The following C1QTNF7 variants were observed in gnomAD, a reference collection of about 807,000 sequenced individuals.
C1QTNF7 encodes complement C1q tumor necrosis factor-related protein 7.
C1QTNF7 carries 15 observed loss-of-function variants against 19.6 expected under a neutral mutation model. That is an observed-to-expected ratio of 0.76 (90% CI 0.51 to 1.18). The LOEUF (loss-of-function observed/expected upper bound fraction) is 1.18, where lower values mean the gene tolerates loss of function less well. C1QTNF7 is among the 50% of genes most tolerant of loss of function. C1QTNF7 has a pLI of 0.00. For synonymous variants in C1QTNF7, 142 were observed against 137.5 expected (o/e 1.03, Z -0.23); for missense variants, 324 against 359.7 (o/e 0.90, Z 0.80).
At chr4:15,383,509 A>G (rs1301832627) in intron 1 of C1QTNF7, among the ~76,000 whole-genome samples, 1 of 152,152 alleles carries the variant, frequency 6.6e-6, no homozygotes, top group Non-Finnish European at 1.5e-5. Flanking sequence ...TATATCCTCC[A>G]TTGTCCGGTA....
chr4:15,415,543 C>T (rs1376724600), intron 1 of C1QTNF7, among the ~76,000 whole-genome samples: 1 of 151,898 alleles, frequency 6.6e-6, no homozygotes. Flanking sequence ...AAATACAAAT[C>T]ACCCATAACC....
At chr4:15,379,697 A>G (rs1352937582) in intron 1 of C1QTNF7, among the ~76,000 whole-genome samples, 1 of 152,190 alleles carries the variant, frequency 6.6e-6, no homozygotes, top group African/African-American at 2.4e-5. Context: ...GAGTTTTTAA[A>G]TGTTGACATG....
chr4:15,387,226 T>C (rs555248636), intron 1 of C1QTNF7, among the ~76,000 whole-genome samples: 168 of 152,172 alleles, frequency 1.1e-3, no homozygotes, highest in African/African-American at 3.9e-3. Flanking sequence ...AGGAAGTGTG[T>C]GGGGGACAGG....
At chr4:15,412,914 C>T (rs866100835) in intron 1 of C1QTNF7, among the ~76,000 whole-genome samples, 2 of 152,298 alleles carry the variant, frequency 1.3e-5, no homozygotes, top group Middle Eastern at 3.4e-3. Context: ...GCCCCTAATA[C>T]GTTCCACAGA....
intron 1 of C1QTNF7, among the ~76,000 whole-genome samples, chr4:15,341,508 T>C (rs186356117): frequency 1.9e-4 from 29 of 152,172 alleles, no homozygotes; most frequent in Non-Finnish European, 2.9e-4. Flanking sequence ...CATTGCAGAG[T>C]GATCAGGAGA....
At chr4:15,391,650 C>T (rs1170291808) in intron 1 of C1QTNF7, among the ~76,000 whole-genome samples, 1 of 152,130 alleles carries the variant, frequency 6.6e-6, no homozygotes, top group African/African-American at 2.4e-5. Context: ...GTAAAAACAA[C>T]ACTTGTTATT....
At chr4:15,342,146 C>A (rs542681526) in intron 1 of C1QTNF7, among the ~76,000 whole-genome samples, 2 of 152,298 alleles carry the variant, frequency 1.3e-5, no homozygotes, top group East Asian at 3.9e-4. Flanking sequence ...CCATAAAGGG[C>A]GCTGATGAGA....
chr4:15,358,564 G>T (rs923743523), intron 1 of C1QTNF7: 2 of 152,108 alleles, frequency 1.3e-5, no homozygotes, highest in African/African-American at 4.8e-5. Context: ...CCAGGTTTTG[G>T]TATCAGGATG....
intron 1 of C1QTNF7, among the ~76,000 whole-genome samples, chr4:15,411,010 G>T (rs1719384409): frequency 6.6e-6 from 1 of 152,196 alleles, no homozygotes; most frequent in African/African-American, 2.4e-5. Context: ...ACGCGAACAG[G>T]AAGGAAAAGA....
intron 1 of C1QTNF7, chr4:15,358,061 T>C (rs916846281): frequency 3.3e-5 from 5 of 152,224 alleles, no homozygotes; most frequent in African/African-American, 1.2e-4. Flanking sequence ...CTCTTCCTAT[T>C]TGAATACCTT....
rs116431240 is a variant in C1QTNF7 at position 15,414,750 on chromosome 4, C to T, written c.14-20986C>T. On this transcript the variant is annotated intron_variant, in intron 1 of 2. Transcript: ENST00000295297. ...TTCCAGCAAGAATCCTTTGGCAAAA[C>T]ATAGCATCAGTCACTCTGATTCTAG... Among the ~76,000 whole-genome samples the T allele has an allele frequency of 4.0e-3, 604 of 152,250 alleles. 3 individuals carry two copies. The highest frequency in any genetic ancestry group is 0.014 in the African/African-American group (567 of 41,552).
Position 15,357,706 on chromosome 4 carries a change from C to T in C1QTNF7, c.13+17499C>T, listed in dbSNP as rs184106572. 8.8e-4 allele frequency among the ~76,000 whole-genome samples: 134 copies of T among 152,258 alleles called. 1 individual carries two copies. Among genetic ancestry groups the T allele is most frequent in the African/African-American group, 2.9e-3 (122 of 41,556 alleles). On this transcript the variant is annotated intron_variant, in intron 1 of 2. Coordinates refer to the C1QTNF7 transcript ENST00000295297. ...GCCATTTTCACAATATTGATTCTTC[C>T]TATCCATGAGCATGGAATGTTTTTC...
At chr4:15,405,024 A>C (rs1337487370) in intron 1 of C1QTNF7, among the ~76,000 whole-genome samples, 2 of 152,200 alleles carry the variant, frequency 1.3e-5, no homozygotes, top group African/African-American at 4.8e-5. Context: ...TCTCAATCCT[A>C]AGTGTATCAG....
chr4:15,351,536 T>G (rs1716938653), intron 1 of C1QTNF7, among the ~76,000 whole-genome samples: 1 of 152,182 alleles, frequency 6.6e-6, no homozygotes, highest in Non-Finnish European at 1.5e-5. Context: ...AGTAGGAATT[T>G]TAGCCATTTC....
At chr4:15,407,920 T>C (rs1719250582) in intron 1 of C1QTNF7, among the ~76,000 whole-genome samples, 1 of 151,850 alleles carries the variant, frequency 6.6e-6, no homozygotes, top group African/African-American at 2.4e-5. Context: ...AGCGAAACTC[T>C]GTCTCAAAAA....
At chr4:15,345,616 G>A (rs773211135) in intron 1 of C1QTNF7, among the ~76,000 whole-genome samples, 6 of 152,170 alleles carry the variant, frequency 3.9e-5, no homozygotes, top group South Asian at 2.1e-4. Flanking sequence ...GGCAACACTC[G>A]TGAAATGATA....
At chr4:15,342,188 G>A (rs1716566928) in intron 1 of C1QTNF7, among the ~76,000 whole-genome samples, 1 of 152,146 alleles carries the variant, frequency 6.6e-6, no homozygotes, top group Admixed American at 6.5e-5. Context: ...GCACCTCCTC[G>A]CCTCCGAGAG....
At chr4:15,341,800 A>T (rs1424202333) in intron 1 of C1QTNF7, among the ~76,000 whole-genome samples, 2 of 152,156 alleles carry the variant, frequency 1.3e-5, no homozygotes, top group Admixed American at 1.3e-4. Flanking sequence ...CATCGCAGGC[A>T]GCTCTAGAGC....
rs1712840952 is a variant in C1QTNF7, at chr4:15,442,860, C to G, written c.*61C>G. ...GAATCTGGGGTTCCAGAAGGTGGAA[C>G]AAGCAGGAATGGGATCCAAAGAGAC... On this transcript the variant is annotated 3_prime_UTR_variant, in exon 3 of 3. Transcript: ENST00000444304. 1 of 1,479,962 alleles carries G rather than the reference C, an allele frequency of 6.8e-7. No individual in the cohort carries two copies. The highest frequency in any genetic ancestry group is 1.4e-5 in the South Asian group (1 of 73,718). 91.7% of individuals were successfully genotyped at this position (1,479,962 alleles called of 1,614,324 possible). A position where few individuals can be genotyped will look rare whatever the true frequency, so the allele number is the denominator to read the frequency against.
Sources: gnomAD v4.1 joint callset for allele counts (sites outside exome capture counted in the v4.1 genomes callset) on GRCh38, gnomAD v4.1.1 for gene constraint, MANE v1.5 for transcripts, NCBI Gene and HGNC (gene_info 2026-07-23, HGNC 2026-07-21) for gene names.